IQSEC1: variants seen among roughly 807,000 people sequenced by gnomAD.
The protein encoded by IQSEC1 is IQ motif and SEC7 domain-containing protein 1.
A neutral mutation model predicts 91.0 loss-of-function variants in IQSEC1; 31 were observed. The observed-to-expected ratio is 0.34, with a 90% CI of 0.26 to 0.46. IQSEC1 has a LOEUF of 0.46. Among genes scored for constraint, IQSEC1 ranks in the 20% least tolerant of loss-of-function variants. IQSEC1 has a pLI of 1.00. For missense variants in IQSEC1, 1,388 were observed against 1,575.6 expected, an observed-to-expected ratio of 0.88 and a Z score of 2.02; for synonymous variants, 699 against 662.6, an observed-to-expected ratio of 1.05 and a Z score of -0.84.
chr3:12,963,876 ATC>A (rs1576060138), intron 1 of IQSEC1, among the ~76,000 whole-genome samples: 1 of 152,230 alleles, frequency 6.6e-6, no homozygotes, highest in East Asian at 1.9e-4. Context: ...GGTCATACAC[ATC>A]TCTCCAGAGA....
At chr3:12,980,137 C>CT (rs1480718093) in intron 1 of IQSEC1, among the ~76,000 whole-genome samples, 1 of 152,198 alleles carries the variant, frequency 6.6e-6, no homozygotes, top group Non-Finnish European at 1.5e-5. Context: ...GGCTGCACCT[C>CT]TGTTATCTCC....
At chr3:13,246,811 C>T (rs184958455) in intron 1 of IQSEC1, among the ~76,000 whole-genome samples, 2 of 152,254 alleles carry the variant, frequency 1.3e-5, no homozygotes. Context: ...CTGCACGGAC[C>T]GGGCAGGAAC....
chr3:13,274,769 A>G (rs1361433540), intron 1 of IQSEC1, among the ~76,000 whole-genome samples: 1 of 152,234 alleles, frequency 6.6e-6, no homozygotes, highest in Non-Finnish European at 1.5e-5. Flanking sequence ...CCCCAAGCAC[A>G]CTGGCACCCA....
At chr3:12,958,261 G>A (rs1700039431) in intron 1 of IQSEC1, among the ~76,000 whole-genome samples, 1 of 152,208 alleles carries the variant, frequency 6.6e-6, no homozygotes, top group Non-Finnish European at 1.5e-5. Flanking sequence ...AAAGGGTCTT[G>A]GGGACAAATG....
rs1393618300 is a variant in IQSEC1, at chr3:12,920,495, A to C, written c.1955T>G (p.Met652Arg). Residue 652 changes from methionine (M) to arginine (R), a missense_variant, in exon 6 of 14, where the codon ATG becomes AGG. Met to Arg is a moderately conservative substitution (Grantham distance 91, BLOSUM62 -1). Coordinates refer to ENST00000613206, the MANE Select transcript of IQSEC1 (RefSeq NM_001134382.3). ...CTCGGGCTTGACATTGGGGCTGTACATGTCGGTGTTCAGCAGGATGATGGC... is the reference window on the plus strand; with the variant it reads ...CTCGGGCTTGACATTGGGGCTGTACCTGTCGGTGTTCAGCAGGATGATGGC... ...AFAIILLNTD[M>R]YSPNVKPERK... 4 of 1,614,224 alleles carry C rather than the reference A, an allele frequency of 2.5e-6. No individual in the cohort carries two copies. Among genetic ancestry groups the C allele is most frequent in the South Asian group, 1.1e-5 (1 of 91,090 alleles).
intron 1 of IQSEC1, among the ~76,000 whole-genome samples, chr3:13,054,750 C>T (rs189602587): frequency 1.0e-3 from 153 of 152,328 alleles, no homozygotes; most frequent in African/African-American, 3.4e-3. Context: ...GGTCTCATTC[C>T]ATGATCCCCG....
chr3:13,186,351 C>T (rs1693931424), intron 1 of IQSEC1, among the ~76,000 whole-genome samples: 1 of 152,080 alleles, frequency 6.6e-6, no homozygotes, highest in African/African-American at 2.4e-5. Context: ...AAGGAGGAAA[C>T]AGTGACAGAA....
At position 13,014,305 on chromosome 3, in the gene IQSEC1, C is replaced by T. The variant is rs368354231; in HGVS notation, c.23+58687G>A. On this transcript the variant is annotated intron_variant, in intron 1 of 13. Coordinates refer to ENST00000613206, the MANE Select transcript of IQSEC1 (RefSeq NM_001134382.3). ...TCCCCACAGAGGCCTGCTTCACCAT[C>T]TAAGCCTCACAACAACCCCGGAAGG... is the stretch of plus-strand genomic sequence containing the variant. Among the ~76,000 whole-genome samples, 36 of 152,334 alleles carry T rather than the reference C, an allele frequency of 2.4e-4. No individual in the cohort carries two copies. In the South Asian group the frequency reaches 4.8e-3, roughly 20 times the overall value.
At chr3:13,158,653 C>G (rs1388344867) in intron 2 of IQSEC1, among the ~76,000 whole-genome samples, 2 of 152,140 alleles carry the variant, frequency 1.3e-5, no homozygotes, top group Non-Finnish European at 2.9e-5. Flanking sequence ...GGGAGGCGAC[C>G]TACATGGGAC....
At position 12,911,671 on chromosome 3, in the gene IQSEC1, A is replaced by G. The variant is rs1157441129; in HGVS notation, c.2374T>C (p.Phe792Leu). 1 of 1,613,990 alleles carries G rather than the reference A, an allele frequency of 6.2e-7. No individual in the cohort carries two copies. Among genetic ancestry groups the G allele is most frequent in the South Asian group, 1.1e-5 (1 of 91,080 alleles). ...AGGACCTGCATGCCGTACAAGGAGA[A>G]GGACTGTCGGAAGCTGTACGTCACC... is the stretch of plus-strand genomic sequence containing the variant. ...NSVTYSFRQS[F>L]SLYGMQVLLF... The change falls in exon 10 of 14, where the codon TTC (phenylalanine) becomes CTC (leucine). Residue 792 changes from phenylalanine to leucine, a missense_variant. By Grantham distance (22) the Phe-to-Leu change is conservative. Coordinates refer to ENST00000613206, the MANE Select transcript of IQSEC1 (RefSeq NM_001134382.3).
chr3:13,240,820 T>C (rs1695009822), intron 1 of IQSEC1, among the ~76,000 whole-genome samples: 1 of 152,200 alleles, frequency 6.6e-6, no homozygotes, highest in South Asian at 2.1e-4. Context: ...GAGGAGATGA[T>C]AAATCCGACA....
rs180953685 is a variant in IQSEC1 at position 13,276,445 on chromosome 3, C to T, written c.272+6266G>A. Among the ~76,000 whole-genome samples, 97 of 152,282 alleles carry T rather than the reference C, an allele frequency of 6.4e-4. 1 individual carries two copies. The highest frequency in any genetic ancestry group is 2.0e-3 in the African/African-American group (83 of 41,550). On this transcript the variant is annotated intron_variant, in intron 1 of 15. Coordinates refer to the IQSEC1 transcript ENST00000648114. ...CCTCCCCTGGAGCCACCACCTAATG[C>T]GGGGCCACAGGCAACTCCTGTATCT...
rs77959860 is a variant in IQSEC1, at chr3:12,967,149, C to T, written c.24-25284G>A. Among the ~76,000 whole-genome samples, 1,016 of 152,236 alleles carry T rather than the reference C, an allele frequency of 6.7e-3. 16 individuals carry two copies. The highest frequency in any genetic ancestry group is 0.023 in the African/African-American group (959 of 41,546). On this transcript the variant is annotated intron_variant, in intron 1 of 13. Transcript: ENST00000613206. The surrounding 1 kb of genome is among the most constrained non-coding windows in gnomAD (Gnocchi z 5.9). ...TGAGACCCTCCCAGGGCACACACAGCGCTCCTGTCCCAAGGGCGCGTCTCT... is the reference window on the plus strand; with the variant it reads ...TGAGACCCTCCCAGGGCACACACAGTGCTCCTGTCCCAAGGGCGCGTCTCT...
intron 3 of IQSEC1, among the ~76,000 whole-genome samples, chr3:12,928,474 T>C (rs915958930): frequency 6.6e-6 from 1 of 152,066 alleles, no homozygotes; most frequent in African/African-American, 2.4e-5. Flanking sequence ...GGCTCCAGGG[T>C]GGGGCTGGGA....
chr3:12,908,161 T>G lies in IQSEC1; in HGVS notation c.2755+188A>C, dbSNP rs534388437. On this transcript the variant is annotated intron_variant, in intron 12 of 13. Coordinates refer to ENST00000613206, the MANE Select transcript of IQSEC1 (RefSeq NM_001134382.3). This position sits in a 1 kb window ranked among gnomAD's most constrained non-coding sequence, Gnocchi z 4.9. ...TTCTTTTTGACGTTTGGGTCCTGTT[T>G]CCCTGTGTCTTTTTGGGGCGCCCTT... Among the ~76,000 whole-genome samples, 8 of 152,362 alleles carry G rather than the reference T, an allele frequency of 5.3e-5. No homozygotes were observed. The East Asian group carries it at 7.7e-4, about 15-fold the overall frequency.
intron 1 of IQSEC1, among the ~76,000 whole-genome samples, chr3:13,270,149 T>G (rs1222342442): frequency 1.3e-5 from 2 of 152,182 alleles, no homozygotes; most frequent in Non-Finnish European, 2.9e-5. Context: ...TGAATACCAC[T>G]GAGTATTCCA....
intron 2 of IQSEC1, among the ~76,000 whole-genome samples, chr3:13,085,192 T>A (rs1705715209): frequency 6.6e-6 from 1 of 152,118 alleles, no homozygotes; most frequent in African/African-American, 2.4e-5. Context: ...ATGAGGAAAC[T>A]GATGCTCAGA....
chr3:13,279,284 A>T (rs1421440620), intron 1 of IQSEC1, among the ~76,000 whole-genome samples: 2 of 152,248 alleles, frequency 1.3e-5, no homozygotes, highest in Non-Finnish European at 2.9e-5. Flanking sequence ...GAAACAGATC[A>T]CTAGCATGTA....
chr3:13,055,265 G>C (rs1450234265), intron 1 of IQSEC1, among the ~76,000 whole-genome samples: 1 of 152,240 alleles, frequency 6.6e-6, no homozygotes, highest in Non-Finnish European at 1.5e-5. Flanking sequence ...TTCCTGGACA[G>C]AGAGCCCAGG....
Sources: gnomAD v4.1 joint callset for allele counts (sites outside exome capture counted in the v4.1 genomes callset) on GRCh38, gnomAD v4.1.1 for gene constraint, Gnocchi (gnomAD v3.1) non-coding constraint, MANE v1.5 for transcripts, NCBI Gene and HGNC (gene_info 2026-07-23, HGNC 2026-07-21) for gene names.